PECAM1: variants seen among roughly 807,000 people sequenced by gnomAD.
PECAM1 encodes the protein platelet and endothelial cell adhesion molecule 1, also known as platelet endothelial cell adhesion molecule.
PECAM1 carries 8 observed loss-of-function variants against 13.8 expected under a neutral mutation model. The observed-to-expected ratio is 0.58, with a 90% confidence interval of 0.34 to 1.05. The LOEUF (loss-of-function observed/expected upper bound fraction) is 1.05. Among genes scored for constraint, PECAM1 ranks in the 50% least tolerant of loss-of-function variants. PECAM1 has a pLI of 0.03. For missense variants in PECAM1, 304 were observed against 141.2 expected, an observed-to-expected ratio of 2.15 and a Z score of -5.84; for synonymous variants, 136 against 52.6, an observed-to-expected ratio of 2.58 and a Z score of -6.86.
intron 14 of PECAM1, among the ~76,000 whole-genome samples, chr17:64,330,044 C>T (rs1192761292): frequency 2.0e-5 from 3 of 151,928 alleles, no homozygotes; most frequent in African/African-American, 7.3e-5. Flanking sequence ...ACCGTAACCT[C>T]TACCTCCAGG....
chr17:64,334,594 T>C (rs931712071), intron 14 of PECAM1, among the ~76,000 whole-genome samples: 6 of 151,970 alleles, frequency 3.9e-5, no homozygotes, highest in Non-Finnish European at 8.8e-5. Flanking sequence ...CTGCAAGCTC[T>C]GCCTCCCGGG....
At chr17:64,378,559 T>G (rs1312846016) in intron 2 of PECAM1, among the ~76,000 whole-genome samples, 1 of 151,926 alleles carries the variant, frequency 6.6e-6, no homozygotes. Flanking sequence ...CAAGAATCAC[T>G]TGAACCTGGG....
chr17:64,358,161 C>T (rs1055128831), intron 7 of PECAM1, among the ~76,000 whole-genome samples: 4 of 132,320 alleles, frequency 3.0e-5, no homozygotes, highest in Non-Finnish European at 6.2e-5. Flanking sequence ...CTCTGTCACC[C>T]AGGCTGGAGT....
At chr17:64,359,498 G>T (rs1223466723) in intron 7 of PECAM1, among the ~76,000 whole-genome samples, 1 of 152,180 alleles carries the variant, frequency 6.6e-6, no homozygotes, top group Non-Finnish European at 1.5e-5. Flanking sequence ...GCAGAGTCCT[G>T]ATCTACAATT....
intron 14 of PECAM1, among the ~76,000 whole-genome samples, chr17:64,341,015 T>C (rs2035413383): frequency 6.6e-6 from 1 of 150,684 alleles, no homozygotes; most frequent in Admixed American, 6.6e-5. Flanking sequence ...GAGAATCGCT[T>C]GAACCGGGAG....
chr17:64,384,334 C>T (rs1420725584), intron 2 of PECAM1, among the ~76,000 whole-genome samples: 3 of 152,070 alleles, frequency 2.0e-5, no homozygotes, highest in Non-Finnish European at 4.4e-5. Context: ...AAACAGTGAC[C>T]TAGTTTTTAC....
chr17:64,374,150 A>G (rs1488954710), intron 4 of PECAM1, among the ~76,000 whole-genome samples: 2 of 152,140 alleles, frequency 1.3e-5, no homozygotes, highest in South Asian at 2.1e-4. Flanking sequence ...CTTCCAAACT[A>G]CAGATCACAT....
At chr17:64,382,257 T>C (rs1354146952) in intron 2 of PECAM1, among the ~76,000 whole-genome samples, 1 of 152,200 alleles carries the variant, frequency 6.6e-6, no homozygotes, top group Non-Finnish European at 1.5e-5. Flanking sequence ...ATGCTGTGTA[T>C]TCCAGTGACT....
At chr17:64,354,458 C>A (rs1436623676) in intron 9 of PECAM1, among the ~76,000 whole-genome samples, 1 of 152,094 alleles carries the variant, frequency 6.6e-6, no homozygotes, top group East Asian at 1.9e-4. Context: ...CCTTATCCCA[C>A]AAAAAAATTT....
At position 64,363,275 on chromosome 17, in the gene PECAM1, T is replaced by A; in HGVS notation, c.1090A>T (p.Thr364Ser). ...AAATCTTGAGTCTGTGACACAATCG[T>A]ATCTTCCTTCTGGATGGTGAAGTTG... Reference protein sequence around the residue: ...PANFTIQKEDTIVSQTQDFTK... With the variant: ...PANFTIQKEDSIVSQTQDFTK... Residue 364 changes from threonine to serine, a missense_variant, in exon 6 of 16, where the codon ACG becomes TCG. Transcript: ENST00000563924. The A allele has an allele frequency of 4.2e-6, 2 of 475,476 alleles. No individual in the cohort carries two copies. Among genetic ancestry groups the A allele is most frequent in the Non-Finnish European group, 7.7e-6 (2 of 259,102 alleles). The allele number at this position is 475,476 out of a possible 1,614,324, so 29.5% of individuals were successfully genotyped here. A position where few individuals can be genotyped will look rare whatever the true frequency, so the allele number is the denominator to read the frequency against.
chr17:64,338,476 G>A (rs35029867), intron 14 of PECAM1, among the ~76,000 whole-genome samples: 6,544 of 151,858 alleles, frequency 0.043, 168 homozygotes, highest in Non-Finnish European at 0.061. Context: ...GCCACTCTGG[G>A]AAGCCAAAAA....
chr17:64,323,932 A>G, intron 15 of PECAM1, 87 bp from the exon 16 acceptor site: 1 of 788,066 alleles, frequency 1.3e-6, no homozygotes. Context: ...AAATGACAGC[A>G]CTTCTCAAAG....
intron 2 of PECAM1, among the ~76,000 whole-genome samples, chr17:64,383,863 G>A (rs1016414465): frequency 6.6e-5 from 10 of 152,200 alleles, no homozygotes; most frequent in Admixed American, 2.0e-4. Context: ...AGGGTGTGGC[G>A]GCTCACACCT....
At chr17:64,353,331 A>ACACAACT (rs1336439883) in intron 10 of PECAM1, among the ~76,000 whole-genome samples, 160 bp downstream of exon 10, 4 of 149,612 alleles carry the variant, frequency 2.7e-5, no homozygotes, top group African/African-American at 9.9e-5. Flanking sequence ...ACACACACAC[A>ACACAACT]CACACACACA....
rs993938756 is a variant in PECAM1, at chr17:64,374,522, G to A, written c.691+529C>T. 3.9e-5 allele frequency among the ~76,000 whole-genome samples: 6 copies of A among 151,916 alleles called. No individual in the cohort carries two copies. In the East Asian group the frequency reaches 5.8e-4, roughly 15 times the overall value. On this transcript the variant is annotated intron_variant, in intron 4 of 15. Transcript: ENST00000563924. ...ACACAAGGTTGGGGTGGTGGCTCAC[G>A]CCTGTAATCCCAGCACTATGGGAGG...
At chr17:64,350,635 CTTTCTTTCT>C (rs1310477440) in intron 11 of PECAM1, among the ~76,000 whole-genome samples, 2 of 115,120 alleles carry the variant, frequency 1.7e-5, no homozygotes, top group Non-Finnish European at 4.0e-5. Context: ...TTCTTTTTTT[CTTTCTTTCT>C]TTTTTTTTTT....
At chr17:64,387,255 C>T (rs965366792) in intron 2 of PECAM1, among the ~76,000 whole-genome samples, 5 of 152,238 alleles carry the variant, frequency 3.3e-5, no homozygotes, top group Admixed American at 2.0e-4. Context: ...CTTGGTGACC[C>T]CTCAGCAAGA....
chr17:64,386,757 C>A (rs934412155), intron 2 of PECAM1, among the ~76,000 whole-genome samples: 1 of 152,018 alleles, frequency 6.6e-6, no homozygotes. Context: ...CAAAATGAGA[C>A]CCCAGTCTCT....
Position 64,321,575 on chromosome 17 carries a change from T to C in PECAM1, c.*2241A>G, listed in dbSNP as rs2034811723. The C allele has an allele frequency of 2.0e-6, 1 of 510,836 alleles. No homozygotes were observed. The highest frequency in any genetic ancestry group is 2.1e-5 in the African/African-American group (1 of 48,324). 31.6% of individuals were successfully genotyped at this position (510,836 alleles called of 1,614,324 possible). A position where few individuals can be genotyped will look rare whatever the true frequency, so the allele number is the denominator to read the frequency against. On this transcript the variant is annotated 3_prime_UTR_variant, in exon 16 of 16. Transcript: ENST00000563924. ...AAGTTCGAGACCAGCCTGGGCACCA[T>C]GGTGAAACCTCATCTCTGCAAAAAA...
Sources: allele counts gnomAD v4.1 joint callset (sites outside exome capture counted in the v4.1 genomes callset), GRCh38; gene constraint gnomAD v4.1.1; transcripts MANE v1.5; gene names NCBI Gene and HGNC (gene_info 2026-07-23, HGNC 2026-07-21).